IQCB1: variants seen among roughly 807,000 people sequenced by gnomAD.
IQCB1 encodes IQ motif containing B1, also known as IQ calmodulin-binding motif-containing protein 1.
Under a neutral mutation model 84.4 loss-of-function variants are expected in IQCB1, and 56 were observed. The observed-to-expected ratio is 0.66, with a 90% CI of 0.54 to 0.83. The LOEUF (loss-of-function observed/expected upper bound fraction) is 0.83, where lower values mean the gene tolerates loss of function less well. IQCB1 is among the 40% of genes least tolerant of loss of function. The probability of loss-of-function intolerance (pLI) is 0.00; values close to 1 mark genes in which losing one functional copy is unlikely to be tolerated. For missense variants in IQCB1, 629 were observed against 682.1 expected, an observed-to-expected ratio of 0.92 and a Z score of 0.87; for synonymous variants, 210 against 234.8, an observed-to-expected ratio of 0.89 and a Z score of 0.96.
At chr3:121,804,746 T>C (rs1408842815) in intron 7 of IQCB1, among the ~76,000 whole-genome samples, 1 of 152,172 alleles carries the variant, frequency 6.6e-6, no homozygotes, top group East Asian at 1.9e-4. Flanking sequence ...TGCATCTGCA[T>C]GTTTATAGTT....
Position 121,801,153 on chromosome 3 carries a change from A to C in IQCB1, c.588-1779T>G, listed in dbSNP as rs1576578426. ...CCATTTTCAAGCCATTTATTTTCTCATTGTATTCACACTTCCTACTAATCT... is the reference window on the plus strand; with the variant it reads ...CCATTTTCAAGCCATTTATTTTCTCCTTGTATTCACACTTCCTACTAATCT... On this transcript the variant is annotated intron_variant, in intron 7 of 14. Coordinates refer to ENST00000310864, the MANE Select transcript of IQCB1 (RefSeq NM_001023570.4). Among the ~76,000 whole-genome samples the C allele has an allele frequency of 2.6e-5, 4 of 151,800 alleles. No individual in the cohort carries two copies. The South Asian group carries it at 6.2e-4, about 24-fold the overall frequency.
chr3:121,830,412 G>C (rs772269745), intron 2 of IQCB1, among the ~76,000 whole-genome samples: 6 of 151,388 alleles, frequency 4.0e-5, no homozygotes, highest in Non-Finnish European at 4.4e-5. Context: ...AAAAAAAAAA[G>C]TTTTAAAGCA....
At chr3:121,774,226 A>G (rs1948128215) in intron 13 of IQCB1, among the ~76,000 whole-genome samples, 1 of 152,224 alleles carries the variant, frequency 6.6e-6, no homozygotes, top group Non-Finnish European at 1.5e-5. Flanking sequence ...AAACCATAAG[A>G]TACAACTTCA....
Position 121,834,417 on chromosome 3 carries a change from C to T in IQCB1, c.-39G>A, listed in dbSNP as rs903969114. 1 of 152,178 alleles carries T rather than the reference C, an allele frequency of 6.6e-6. No homozygotes were observed. Among genetic ancestry groups the T allele is most frequent in the African/African-American group, 2.4e-5 (1 of 41,418 alleles). The allele number at this position is 152,178 out of a possible 1,614,324, so 9.4% of individuals were successfully genotyped here. On this transcript the variant is annotated 5_prime_UTR_variant, in exon 2 of 15. Coordinates refer to ENST00000310864, the MANE Select transcript of IQCB1 (RefSeq NM_001023570.4). Reference sequence around the variant, plus strand: ...CTGTTGCCAGGCCACCGGGTCCGGCCCAGCCTTGATTCTTCGGGAATCACT... The same window carrying T: ...CTGTTGCCAGGCCACCGGGTCCGGCTCAGCCTTGATTCTTCGGGAATCACT...
chr3:121,795,443 C>G lies in IQCB1; in HGVS notation c.986+14G>C. 1 of 1,407,224 alleles carries G rather than the reference C, an allele frequency of 7.1e-7. No individual in the cohort carries two copies. Among genetic ancestry groups the G allele is most frequent in the Non-Finnish European group, 1.0e-6 (1 of 993,258 alleles). The allele number at this position is 1,407,224 out of a possible 1,614,324, so 87.2% of individuals were successfully genotyped here. ...GATTCTATGATCATCAATCCCCTCA[C>G]CAAATTTTTTTACCTGAAACTCCTC... On this transcript the variant is annotated intron_variant, in intron 10 of 14. Transcript: ENST00000310864.
chr3:121,806,757 A>T (rs1949611721), intron 7 of IQCB1, among the ~76,000 whole-genome samples: 1 of 151,954 alleles, frequency 6.6e-6, no homozygotes, highest in South Asian at 2.1e-4. Flanking sequence ...ATTCTATTGT[A>T]AGCTCTTTGA....
chr3:121,779,954 T>C (rs1330268222), intron 13 of IQCB1, among the ~76,000 whole-genome samples: 1 of 152,216 alleles, frequency 6.6e-6, no homozygotes, highest in African/African-American at 2.4e-5. Flanking sequence ...CCTGGACCTA[T>C]GTGAGTTCCA....
At chr3:121,816,617 C>A (rs1204973646) in intron 5 of IQCB1, among the ~76,000 whole-genome samples, 1 of 152,150 alleles carries the variant, frequency 6.6e-6, no homozygotes, top group Non-Finnish European at 1.5e-5. Flanking sequence ...TGAATAGACA[C>A]TTCTCAAAAG....
intron 7 of IQCB1, among the ~76,000 whole-genome samples, chr3:121,803,108 G>A (rs527773996): frequency 1.3e-5 from 2 of 152,190 alleles, no homozygotes; most frequent in Non-Finnish European, 1.5e-5. Flanking sequence ...AGGCTGGAGT[G>A]TAGTGATGTG....
intron 5 of IQCB1, among the ~76,000 whole-genome samples, chr3:121,825,747 T>A (rs928501575): frequency 2.2e-4 from 34 of 152,174 alleles, no homozygotes; most frequent in African/African-American, 8.2e-4. Context: ...GAACATACTT[T>A]CCTCTACTGT....
intron 5 of IQCB1, among the ~76,000 whole-genome samples, chr3:121,824,527 G>A (rs767727650): frequency 1.3e-5 from 2 of 150,328 alleles, no homozygotes; most frequent in African/African-American, 4.9e-5. Flanking sequence ...GGCAATATTC[G>A]TAATAGTAAA....
At chr3:121,821,931 T>C (rs978821880) in intron 5 of IQCB1, among the ~76,000 whole-genome samples, 6 of 152,230 alleles carry the variant, frequency 3.9e-5, no homozygotes, top group African/African-American at 1.4e-4. Context: ...TTGCTTTCCT[T>C]AATGTGGGTG....
intron 2 of IQCB1, among the ~76,000 whole-genome samples, chr3:121,829,313 A>C (rs1263235584): frequency 6.6e-6 from 1 of 152,100 alleles, no homozygotes; most frequent in Non-Finnish European, 1.5e-5. Flanking sequence ...ATCACACAAG[A>C]AGAACTGCAA....
intron 10 of IQCB1, among the ~76,000 whole-genome samples, chr3:121,791,530 G>C (rs1040330301): frequency 1.3e-5 from 2 of 152,172 alleles, no homozygotes; most frequent in Non-Finnish European, 2.9e-5. Context: ...GTGTATGTGT[G>C]TCAAAAGATT....
At chr3:121,828,718 A>C (rs1950536616) in intron 3 of IQCB1, 86 bp from the exon 4 acceptor site, 1 of 1,082,136 alleles carries the variant, frequency 9.2e-7, no homozygotes, top group African/African-American at 1.6e-5. Context: ...ATAATCACTA[A>C]AAATATATTA....
chr3:121,816,622 C>T (rs1950069341), intron 5 of IQCB1, among the ~76,000 whole-genome samples: 1 of 152,068 alleles, frequency 6.6e-6, no homozygotes, highest in Non-Finnish European at 1.5e-5. Context: ...AGACACTTCT[C>T]AAAAGAAGGC....
At chr3:121,797,762 GC>G (rs1949259547) in intron 8 of IQCB1, among the ~76,000 whole-genome samples, 3 of 152,014 alleles carry the variant, frequency 2.0e-5, no homozygotes, top group Non-Finnish European at 4.4e-5. Flanking sequence ...TAGGTGAAGT[GC>G]TACAACACTA....
chr3:121,816,039 C>A (rs1000859223), intron 5 of IQCB1, among the ~76,000 whole-genome samples: 2 of 151,094 alleles, frequency 1.3e-5, no homozygotes, highest in Non-Finnish European at 2.9e-5. Context: ...GCTACAATAA[C>A]CAAAACAGCA....
At chr3:121,773,206 CG>C (rs1948077973) in intron 13 of IQCB1, among the ~76,000 whole-genome samples, 1 of 149,776 alleles carries the variant, frequency 6.7e-6, no homozygotes, top group Admixed American at 6.7e-5. Flanking sequence ...CCCAGCTACT[CG>C]GGAGGCTGAG....
Sources: gnomAD v4.1 joint callset for allele counts (sites outside exome capture counted in the v4.1 genomes callset) on GRCh38, gnomAD v4.1.1 for gene constraint, MANE v1.5 for transcripts, NCBI Gene and HGNC (gene_info 2026-07-23, HGNC 2026-07-21) for gene names.